SYNPO2: variants seen among roughly 807,000 people sequenced by gnomAD.
The protein encoded by SYNPO2 is synaptopodin-2.
A neutral mutation model predicts 85.0 loss-of-function variants in SYNPO2; 56 were observed. That is an observed-to-expected ratio of 0.66 (90% CI 0.53 to 0.82). The LOEUF is 0.82. Among genes scored for constraint, SYNPO2 ranks in the 40% least tolerant of loss-of-function variants. The probability of loss-of-function intolerance (pLI) is 0.00; values close to 1 mark genes in which losing one functional copy is unlikely to be tolerated. For synonymous variants in SYNPO2, 602 were observed against 591.1 expected (o/e 1.02, Z -0.27); for missense variants, 1,575 against 1,534.2 (o/e 1.03, Z -0.44).
intron 1 of SYNPO2, among the ~76,000 whole-genome samples, chr4:118,910,369 C>CAT (rs1246776545): frequency 6.6e-6 from 1 of 152,220 alleles, no homozygotes; most frequent in Admixed American, 6.5e-5. Context: ...TTTGACCTTG[C>CAT]ATAACACGCC....
intron 1 of SYNPO2, among the ~76,000 whole-genome samples, chr4:118,879,591 T>A (rs901421247): frequency 6.6e-6 from 1 of 152,154 alleles, no homozygotes. Flanking sequence ...GATCTTAGAC[T>A]TCCCAGCTGC....
At chr4:118,878,903 C>T (rs926553249) in intron 1 of SYNPO2, among the ~76,000 whole-genome samples, 4 of 152,230 alleles carry the variant, frequency 2.6e-5, no homozygotes, top group Non-Finnish European at 5.9e-5. Flanking sequence ...TTCTTTCTCT[C>T]TCTGCAGTAA....
At chr4:118,970,867 ATAAAG>A (rs1189385087) in intron 1 of SYNPO2, among the ~76,000 whole-genome samples, 3 of 152,258 alleles carry the variant, frequency 2.0e-5, no homozygotes, top group Non-Finnish European at 4.4e-5. Flanking sequence ...AAATGAATGA[ATAAAG>A]TAATCAATCA....
chr4:118,989,630 G>A (rs1224964868), intron 1 of SYNPO2, among the ~76,000 whole-genome samples: 2 of 152,196 alleles, frequency 1.3e-5, no homozygotes, highest in Non-Finnish European at 2.9e-5. Context: ...AGTAATAAAG[G>A]AATGTGTCAT....
chr4:118,866,248 C>T (rs180859585), intron 1 of SYNPO2, among the ~76,000 whole-genome samples: 4 of 152,152 alleles, frequency 2.6e-5, no homozygotes, highest in Non-Finnish European at 5.9e-5. Flanking sequence ...TAGCTGCATC[C>T]CTGGCCTCTA....
At chr4:119,032,837 T>G (rs1738339298) in intron 4 of SYNPO2, 1 of 776,738 alleles carries the variant, frequency 1.3e-6, no homozygotes, top group Non-Finnish European at 1.6e-6. Context: ...CTGAGCAACA[T>G]AGTGAGACCC....
At chr4:118,880,069 C>T (rs1732051946) in intron 1 of SYNPO2, among the ~76,000 whole-genome samples, 2 of 152,134 alleles carry the variant, frequency 1.3e-5, no homozygotes, top group Admixed American at 6.5e-5. Flanking sequence ...TTAGGCTTTA[C>T]AAAACTGGGA....
chr4:118,937,254 A>G (rs1460485640), intron 1 of SYNPO2, among the ~76,000 whole-genome samples: 7 of 152,098 alleles, frequency 4.6e-5, no homozygotes, highest in Non-Finnish European at 1.0e-4. Context: ...TGCTCAGTAC[A>G]TTTCAGATAC....
chr4:119,010,762 A>G (rs1737266956), intron 1 of SYNPO2, among the ~76,000 whole-genome samples: 1 of 152,240 alleles, frequency 6.6e-6, no homozygotes, highest in Non-Finnish European at 1.5e-5. Flanking sequence ...TTCAATTCAG[A>G]GCCCATAACA....
At chr4:119,006,570 T>C (rs1287359561) in intron 1 of SYNPO2, among the ~76,000 whole-genome samples, 1 of 152,234 alleles carries the variant, frequency 6.6e-6, no homozygotes, top group Non-Finnish European at 1.5e-5. Flanking sequence ...TTTGTGGTAC[T>C]TATCCCATTT....
At chr4:118,903,192 G>A (rs1198911742) in intron 1 of SYNPO2, among the ~76,000 whole-genome samples, 1 of 152,118 alleles carries the variant, frequency 6.6e-6, no homozygotes, top group Non-Finnish European at 1.5e-5. Context: ...AACTTAGAAG[G>A]CTTTTTAAAG....
chr4:118,987,576 A>T (rs940719536), intron 1 of SYNPO2, among the ~76,000 whole-genome samples: 5 of 151,544 alleles, frequency 3.3e-5, no homozygotes, highest in African/African-American at 1.2e-4. Flanking sequence ...ATTTGGGAGG[A>T]TCACTTGAGC....
chr4:118,987,251 C>T (rs1312840765), intron 1 of SYNPO2, among the ~76,000 whole-genome samples: 1 of 152,178 alleles, frequency 6.6e-6, no homozygotes, highest in African/African-American at 2.4e-5. Context: ...TATCTCATAA[C>T]ATCGAATGTC....
In SYNPO2 at chr4:119,057,583, T is replaced by C. The variant is rs1344593777; in HGVS notation, c.3435T>C (p.Asp1145=). 1 of 1,614,096 alleles carries C rather than the reference T, an allele frequency of 6.2e-7. No homozygotes were observed. The highest frequency in any genetic ancestry group is 1.1e-5 in the South Asian group (1 of 91,054). The change falls in exon 5 of 5, where the codon GAT becomes GAC. Residue 1145 remains aspartate, a synonymous_variant. Transcript: ENST00000307142. ...AAKSPLGLVD[D]AFQPRNIQES... is the part of the protein sequence containing the mutation. ...AGTCTCCTCTCGGTCTAGTGGATGA[T>C]GCTTTCCAACCCAGAAACATCCAGG... is the stretch of plus-strand genomic sequence containing the variant.
chr4:118,988,488 A>C (rs1211393275), intron 1 of SYNPO2, among the ~76,000 whole-genome samples: 2 of 152,166 alleles, frequency 1.3e-5, no homozygotes. Context: ...ACTTGCTTTC[A>C]ACTACAAGAC....
chr4:118,885,467 G>GTA (rs752430626), upstream of SYNPO2, among the ~76,000 whole-genome samples: 1 of 127,564 alleles, frequency 7.8e-6, no homozygotes. Context: ...AGATCCATAG[G>GTA]TCTTTTTTTT....
intron 1 of SYNPO2, among the ~76,000 whole-genome samples, chr4:118,932,937 C>A (rs1013523533): frequency 9.9e-5 from 15 of 152,112 alleles, no homozygotes; most frequent in African/African-American, 3.6e-4. Flanking sequence ...TGAACTGTAA[C>A]ATGCTCCACC....
intron 1 of SYNPO2, among the ~76,000 whole-genome samples, chr4:118,853,384 C>T (rs1023009405): frequency 2.6e-5 from 4 of 152,050 alleles, no homozygotes; most frequent in Non-Finnish European, 4.4e-5. Context: ...GGATATTTCC[C>T]CCCCTCCTGA....
At chr4:118,981,818 A>G (rs997148598) in intron 1 of SYNPO2, among the ~76,000 whole-genome samples, 2 of 152,142 alleles carry the variant, frequency 1.3e-5, no homozygotes, top group South Asian at 2.1e-4. Flanking sequence ...CTTTTTCCTC[A>G]TGTACCTCAT....
Sources: allele counts gnomAD v4.1 joint callset (sites outside exome capture counted in the v4.1 genomes callset), GRCh38; gene constraint gnomAD v4.1.1; transcripts MANE v1.5; gene names NCBI Gene and HGNC (gene_info 2026-07-23, HGNC 2026-07-21).